LRP1B: variants seen among roughly 807,000 people sequenced by gnomAD.
The protein encoded by LRP1B is LDL receptor related protein 1B, also known as low-density lipoprotein receptor-related protein 1B.
Under a neutral mutation model 556.6 loss-of-function variants are expected in LRP1B, and 217 were observed. The ratio of observed to expected loss-of-function variants is 0.39; its 90% confidence interval spans 0.35 to 0.44. LRP1B has a LOEUF of 0.44. Ranked by LOEUF, LRP1B falls within the 20% of genes least tolerant of loss-of-function variation. The probability of loss-of-function intolerance (pLI) is 1.00; values close to 1 mark genes in which losing one functional copy is unlikely to be tolerated. For missense variants in LRP1B, 5,053 were observed against 5,620.8 expected (o/e 0.90, Z 3.23); for synonymous variants, 2,047 against 1,865.8 (o/e 1.10, Z -2.50).
chr2:141,372,474 T>C (rs919291866), intron 3 of LRP1B, among the ~76,000 whole-genome samples: 3 of 152,108 alleles, frequency 2.0e-5, no homozygotes, highest in African/African-American at 4.8e-5. Flanking sequence ...CATTTTTGTA[T>C]GTTTGGTAGA....
chr2:141,952,300 C>T (rs971715759), intron 1 of LRP1B, among the ~76,000 whole-genome samples: 12 of 151,736 alleles, frequency 7.9e-5, no homozygotes, highest in East Asian at 3.9e-4. Context: ...TGAATAGTGC[C>T]GCAATAAACA....
At chr2:140,611,373 C>T (rs1187335650) in intron 41 of LRP1B, among the ~76,000 whole-genome samples, 4 of 151,376 alleles carry the variant, frequency 2.6e-5, no homozygotes, top group African/African-American at 7.3e-5. Flanking sequence ...TGAGACTACT[C>T]GAAAATTAAA....
At chr2:141,644,303 C>T (rs2105369173) in intron 2 of LRP1B, among the ~76,000 whole-genome samples, 1 of 151,984 alleles carries the variant, frequency 6.6e-6, no homozygotes, top group East Asian at 1.9e-4. Flanking sequence ...GTGAATAAGT[C>T]CCATGAAGTC....
chr2:140,317,024 A>G (rs1684554798), intron 82 of LRP1B, among the ~76,000 whole-genome samples: 1 of 152,136 alleles, frequency 6.6e-6, no homozygotes, highest in South Asian at 2.1e-4. Flanking sequence ...CTCCGGCGGA[A>G]TACCATCTAG....
chr2:142,128,438 C>G (rs534222387), intron 1 of LRP1B, among the ~76,000 whole-genome samples: 1 of 152,162 alleles, frequency 6.6e-6, no homozygotes, highest in East Asian at 1.9e-4. Flanking sequence ...TCTCATTAAC[C>G]TCTTTCTTGA....
At chr2:140,387,982 G>A (rs946154886) in intron 66 of LRP1B, among the ~76,000 whole-genome samples, 1 of 150,506 alleles carries the variant, frequency 6.6e-6, no homozygotes, top group Admixed American at 6.6e-5. Context: ...TATCCCACAG[G>A]CTGGAGTGCA....
At chr2:140,370,578 A>G in intron 71 of LRP1B, 132 bp downstream of exon 71, 1 of 1,260,386 alleles carries the variant, frequency 7.9e-7, no homozygotes. Flanking sequence ...CTGCTATGTA[A>G]TGAAACTTGG....
chr2:141,053,851 T>TGTGTG (rs1421349388), intron 10 of LRP1B, among the ~76,000 whole-genome samples: 1 of 151,806 alleles, frequency 6.6e-6, no homozygotes, highest in Admixed American at 6.6e-5. Context: ...TGTGTGTGAT[T>TGTGTG]ATATTTCCCA....
intron 3 of LRP1B, among the ~76,000 whole-genome samples, chr2:141,333,217 A>G (rs1687722246): frequency 6.6e-6 from 1 of 152,132 alleles, no homozygotes; most frequent in South Asian, 2.1e-4. Context: ...CTTGAGAATC[A>G]TGGTAGTTAC....
rs6719124 is a variant in LRP1B, at chr2:141,639,948, A to C, written c.206-159415T>G. Reference sequence around the variant, plus strand: ...GAAGATATGTGCAATGAGGAAAAGAAAACGCAATGGTAGCTCCCAAGCCTG... The same window carrying C: ...GAAGATATGTGCAATGAGGAAAAGACAACGCAATGGTAGCTCCCAAGCCTG... On this transcript the variant is annotated intron_variant, in intron 2 of 90. Transcript: ENST00000389484. Among the ~76,000 whole-genome samples, 5 of 152,056 alleles carry C rather than the reference A, an allele frequency of 3.3e-5. No individual in the cohort carries two copies. In the South Asian group the frequency reaches 8.3e-4, roughly 25 times the overall value.
At chr2:140,551,781 G>A (rs1558962497) in intron 43 of LRP1B, among the ~76,000 whole-genome samples, 1 of 152,060 alleles carries the variant, frequency 6.6e-6, no homozygotes, top group Non-Finnish European at 1.5e-5. Flanking sequence ...TAATACAGCA[G>A]TATGTACAAA....
intron 76 of LRP1B, among the ~76,000 whole-genome samples, chr2:140,351,309 AAG>A (rs1482808072): frequency 6.6e-6 from 1 of 151,964 alleles, no homozygotes; most frequent in African/African-American, 2.4e-5. Context: ...TCCTTTTATG[AAG>A]AGAGATTATT....
chr2:141,962,299 G>A (rs992710952), intron 1 of LRP1B, among the ~76,000 whole-genome samples: 2 of 151,678 alleles, frequency 1.3e-5, no homozygotes, highest in Non-Finnish European at 3.0e-5. Context: ...ACATGTGGGG[G>A]AAAAATAAGT....
At chr2:140,751,846 T>C (rs1045526426) in intron 35 of LRP1B, among the ~76,000 whole-genome samples, 9 of 152,176 alleles carry the variant, frequency 5.9e-5, no homozygotes, top group African/African-American at 2.2e-4. Flanking sequence ...TATTTTTAAA[T>C]TAAAGATACC....
At chr2:140,430,092 G>C (rs36032596) in intron 66 of LRP1B, among the ~76,000 whole-genome samples, 7,836 of 151,920 alleles carry the variant, frequency 0.052, 245 homozygotes, top group Middle Eastern at 0.068. Context: ...CTTCTTTCCT[G>C]TTCCTCACCC....
At chr2:140,327,704 A>T (rs1680563432) in intron 79 of LRP1B, among the ~76,000 whole-genome samples, 2 of 152,048 alleles carry the variant, frequency 1.3e-5, no homozygotes, top group African/African-American at 4.8e-5. Context: ...TGATAATCAC[A>T]GAAAGGAAGA....
At chr2:141,332,596 T>C (rs1164205667) in intron 3 of LRP1B, among the ~76,000 whole-genome samples, 1 of 152,062 alleles carries the variant, frequency 6.6e-6, no homozygotes, top group Admixed American at 6.5e-5. Context: ...CTCACTGTTC[T>C]GGGTTCTGTC....
chr2:141,849,189 C>T (rs1227275177), intron 1 of LRP1B, among the ~76,000 whole-genome samples: 2 of 151,572 alleles, frequency 1.3e-5, no homozygotes, highest in East Asian at 1.9e-4. Flanking sequence ...TAATGCTTAA[C>T]TAAATTTTCT....
At chr2:141,728,910 G>A (rs577302089) in intron 2 of LRP1B, among the ~76,000 whole-genome samples, 39 of 152,206 alleles carry the variant, frequency 2.6e-4, no homozygotes, top group Middle Eastern at 3.4e-3. Flanking sequence ...TTCTCTTCCT[G>A]TCTCCCTTCT....
Sources: gnomAD v4.1 joint callset for allele counts (sites outside exome capture counted in the v4.1 genomes callset) on GRCh38, gnomAD v4.1.1 for gene constraint, MANE v1.5 for transcripts, NCBI Gene and HGNC (gene_info 2026-07-23, HGNC 2026-07-21) for gene names.